The following ROBO2 variants were observed in gnomAD, a reference collection of about 807,000 sequenced individuals.
The protein encoded by ROBO2 is roundabout guidance receptor 2.
Under a neutral mutation model 160.8 loss-of-function variants are expected in ROBO2, and 53 were observed. The ratio of observed to expected loss-of-function variants is 0.33; its 90% CI spans 0.26 to 0.41. The LOEUF (loss-of-function observed/expected upper bound fraction) is 0.41. Among genes scored for constraint, ROBO2 ranks in the 10% least tolerant of loss-of-function variants. The pLI is 1.00. For missense variants in ROBO2, 1,577 were observed against 1,722.4 expected, an observed-to-expected ratio of 0.92 and a Z score of 1.49; for synonymous variants, 664 against 611.7, an observed-to-expected ratio of 1.09 and a Z score of -1.26.
chr3:76,907,377 A>G (rs1415527264), intron 2 of ROBO2, among the ~76,000 whole-genome samples: 3 of 152,216 alleles, frequency 2.0e-5, no homozygotes, highest in Non-Finnish European at 4.4e-5. Flanking sequence ...TTATTACAGT[A>G]GAACGAGACT....
intron 2 of ROBO2, among the ~76,000 whole-genome samples, chr3:76,564,169 G>A (rs965755542): frequency 6.6e-6 from 1 of 152,250 alleles, no homozygotes; most frequent in Non-Finnish European, 1.5e-5. Context: ...TAGTGCCTAT[G>A]CACTCCAGTC....
At chr3:76,536,674 C>T (rs1463266415) in intron 2 of ROBO2, among the ~76,000 whole-genome samples, 3 of 152,108 alleles carry the variant, frequency 2.0e-5, no homozygotes, top group Non-Finnish European at 4.4e-5. Context: ...GCTCATGACG[C>T]TGGCAGGTGT....
intron 2 of ROBO2, among the ~76,000 whole-genome samples, chr3:76,231,366 T>C (rs1216982395): frequency 1.3e-5 from 2 of 152,194 alleles, no homozygotes; most frequent in Non-Finnish European, 2.9e-5. Context: ...TCTGCGGTTT[T>C]ATGTCCATTC....
chr3:76,171,948 C>A (rs910002374), intron 2 of ROBO2, among the ~76,000 whole-genome samples: 2 of 151,984 alleles, frequency 1.3e-5, no homozygotes, highest in Non-Finnish European at 2.9e-5. Flanking sequence ...CTAAACTCAC[C>A]CCTAAGCTGT....
intron 2 of ROBO2, among the ~76,000 whole-genome samples, chr3:77,236,797 T>C (rs2088057123): frequency 6.6e-6 from 1 of 152,206 alleles, no homozygotes; most frequent in South Asian, 2.1e-4. Flanking sequence ...TGGAATCATA[T>C]AGGGTAGCCT....
intron 2 of ROBO2, among the ~76,000 whole-genome samples, chr3:76,031,352 A>C (rs1011127845): frequency 6.6e-6 from 1 of 152,088 alleles, no homozygotes; most frequent in Non-Finnish European, 1.5e-5. Context: ...AATACCCTTT[A>C]TTTCTTTCTC....
chr3:76,936,368 G>T (rs1282741607), intron 2 of ROBO2, among the ~76,000 whole-genome samples: 1 of 152,092 alleles, frequency 6.6e-6, no homozygotes, highest in Non-Finnish European at 1.5e-5. Context: ...AAAATATCCA[G>T]ATTGCCTCCA....
At chr3:76,875,127 C>G (rs900427126) in intron 2 of ROBO2, among the ~76,000 whole-genome samples, 1 of 152,078 alleles carries the variant, frequency 6.6e-6, no homozygotes, top group Non-Finnish European at 1.5e-5. Context: ...ATGCAGTGTT[C>G]AACCCTCTTC....
At chr3:77,156,242 A>C (rs1413616983) in intron 2 of ROBO2, among the ~76,000 whole-genome samples, 1 of 152,000 alleles carries the variant, frequency 6.6e-6, no homozygotes, top group East Asian at 1.9e-4. Flanking sequence ...GTACTGGTTG[A>C]GAAGGGTTGA....
chr3:76,948,898 ATATATATATATTTTTT>A (rs1362882100), intron 2 of ROBO2, among the ~76,000 whole-genome samples: 4 of 31,374 alleles, frequency 1.3e-4, no homozygotes, highest in African/African-American at 2.9e-4. Context: ...ATATATATAT[ATATATATATATTTTTT>A]TTTTTTTTTT....
intron 2 of ROBO2, among the ~76,000 whole-genome samples, chr3:77,370,592 G>A (rs1220194612): frequency 6.6e-6 from 1 of 152,222 alleles, no homozygotes; most frequent in African/African-American, 2.4e-5. Context: ...GTGCTTTAGA[G>A]GAGGGATCAG....
intron 2 of ROBO2, among the ~76,000 whole-genome samples, chr3:76,343,579 T>C (rs528851440): frequency 1.3e-5 from 2 of 151,634 alleles, no homozygotes; most frequent in African/African-American, 2.4e-5. Context: ...AAACTAATGG[T>C]AAAAACCGCA....
chr3:76,546,020 C>A (rs563844936), intron 2 of ROBO2, among the ~76,000 whole-genome samples: 110 of 151,874 alleles, frequency 7.2e-4, no homozygotes, highest in Non-Finnish European at 1.2e-3. Context: ...AATTAAGTGA[C>A]AATGGCTAAG....
At chr3:76,201,127 T>A (rs1280380341) in intron 2 of ROBO2, among the ~76,000 whole-genome samples, 1 of 152,146 alleles carries the variant, frequency 6.6e-6, no homozygotes, top group Non-Finnish European at 1.5e-5. Flanking sequence ...GGTTTATAAA[T>A]GGTTTTAATT....
chr3:76,013,641 G>A (rs868470930), intron 2 of ROBO2, among the ~76,000 whole-genome samples: 4 of 145,572 alleles, frequency 2.7e-5, no homozygotes, highest in Non-Finnish European at 4.5e-5. Context: ...GGCTGGGCAC[G>A]GCGCCTGATG....
At chr3:77,233,090 GA>G (rs1054228434) in intron 2 of ROBO2, among the ~76,000 whole-genome samples, 6 of 152,030 alleles carry the variant, frequency 3.9e-5, no homozygotes, top group Non-Finnish European at 8.8e-5. Flanking sequence ...AGCTAAAGGG[GA>G]AAAAAGTCCA....
chr3:77,625,948 T>C (rs1415857796), intron 23 of ROBO2, among the ~76,000 whole-genome samples: 1 of 152,154 alleles, frequency 6.6e-6, no homozygotes, highest in African/African-American at 2.4e-5. Flanking sequence ...TTTCATTTAA[T>C]AGATTAAAAA....
rs986063764 is a variant in ROBO2, at chr3:77,020,283, T to A, written c.110-77731T>A. On this transcript the variant is annotated intron_variant, in intron 2 of 26. Transcript: ENST00000487694. ...AGTAAAAACTCAGCACTGAATAATT[T>A]ATCAAATATTTGGAAGGAGAGAACT... is the stretch of plus-strand genomic sequence containing the variant. Among the ~76,000 whole-genome samples the A allele has an allele frequency of 5.9e-5, 9 of 152,268 alleles. No homozygotes were observed. The Middle Eastern group carries it at 0.01, about 173-fold the overall frequency.
chr3:76,778,575 C>A (rs2062428583), intron 2 of ROBO2, among the ~76,000 whole-genome samples: 1 of 151,076 alleles, frequency 6.6e-6, no homozygotes, highest in Admixed American at 6.6e-5. Flanking sequence ...TAATCCCAAT[C>A]TTAATTGATA....
Sources: gnomAD v4.1 joint callset for allele counts (sites outside exome capture counted in the v4.1 genomes callset) on GRCh38, gnomAD v4.1.1 for gene constraint, MANE v1.5 for transcripts, NCBI Gene and HGNC (gene_info 2026-07-23, HGNC 2026-07-21) for gene names.